ANKH: variants seen among roughly 807,000 people sequenced by gnomAD.
The protein encoded by ANKH is ANKH inorganic pyrophosphate transport regulator, also known as mineralization regulator ANKH.
Under a neutral mutation model 49.0 loss-of-function variants are expected in ANKH, and 15 were observed. The ratio of observed to expected loss-of-function variants is 0.31; its 90% CI spans 0.20 to 0.47. The LOEUF (loss-of-function observed/expected upper bound fraction) is 0.47, where lower values mean the gene tolerates loss of function less well. ANKH is among the 20% of genes least tolerant of loss of function. The probability of loss-of-function intolerance (pLI) is 1.00; values close to 1 mark genes in which losing one functional copy is unlikely to be tolerated. For synonymous variants in ANKH, 273 were observed against 260.0 expected, an observed-to-expected ratio of 1.05 and a Z score of -0.48; for missense variants, 429 against 652.0, an observed-to-expected ratio of 0.66 and a Z score of 3.72.
intron 1 of ANKH, among the ~76,000 whole-genome samples, chr5:14,862,807 A>G (rs572816738): frequency 2.0e-5 from 3 of 152,342 alleles, no homozygotes; most frequent in East Asian, 3.9e-4. Context: ...GAATACAGCC[A>G]TGCTTCCTTG....
At chr5:14,814,640 C>T (rs1417825899) in intron 1 of ANKH, among the ~76,000 whole-genome samples, 4 of 152,216 alleles carry the variant, frequency 2.6e-5, no homozygotes, top group East Asian at 1.9e-4. Context: ...TAAATGGACC[C>T]GGAGTGGATA....
At chr5:14,805,696 A>C (rs990680455) in intron 1 of ANKH, among the ~76,000 whole-genome samples, 2 of 151,772 alleles carry the variant, frequency 1.3e-5, no homozygotes, top group Admixed American at 1.3e-4. Context: ...TCCCTGTTAG[A>C]CAGTAGCTCA....
intron 1 of ANKH, among the ~76,000 whole-genome samples, chr5:14,802,438 C>T (rs1740592152): frequency 6.6e-6 from 1 of 152,100 alleles, no homozygotes; most frequent in African/African-American, 2.4e-5. Flanking sequence ...TGCTGAATCC[C>T]TATTACTACT....
In ANKH at chr5:14,846,016, C is replaced by T. The variant is rs551538504; in HGVS notation, c.96+25336G>A. On this transcript the variant is annotated intron_variant, in intron 1 of 11. Transcript: ENST00000284268. ...GATTACAGGCACCTGCCACCACGCCCGGCAAATTTTTTGTATTTTTAGTAG... is the reference window on the plus strand; with the variant it reads ...GATTACAGGCACCTGCCACCACGCCTGGCAAATTTTTTGTATTTTTAGTAG... Among the ~76,000 whole-genome samples, 6 of 151,860 alleles carry T rather than the reference C, an allele frequency of 4.0e-5. No homozygotes were observed. The South Asian group carries it at 8.4e-4, about 21-fold the overall frequency.
At chr5:14,777,109 C>A (rs1678139094) in intron 1 of ANKH, among the ~76,000 whole-genome samples, 1 of 151,072 alleles carries the variant, frequency 6.6e-6, no homozygotes, top group Non-Finnish European at 1.5e-5. Context: ...TGGCAAAACC[C>A]TGTCTCTACC....
At chr5:14,843,549 G>GAAAAA (rs60487783) in intron 1 of ANKH, among the ~76,000 whole-genome samples, 5,097 of 60,430 alleles carry the variant, frequency 0.084, 459 homozygotes, top group East Asian at 0.35. Flanking sequence ...GGGGATTAGC[G>GAAAAA]AAAAAAAAAA....
chr5:14,789,695 G>T (rs1193353966), intron 1 of ANKH, among the ~76,000 whole-genome samples: 1 of 152,062 alleles, frequency 6.6e-6, no homozygotes, highest in African/African-American at 2.4e-5. Flanking sequence ...GATAATTTTG[G>T]ACTTTGAGCA....
At chr5:14,733,714 C>G (rs1738076561) in intron 8 of ANKH, among the ~76,000 whole-genome samples, 1 of 152,216 alleles carries the variant, frequency 6.6e-6, no homozygotes, top group African/African-American at 2.4e-5. Flanking sequence ...CCTGCTGCAC[C>G]TAAGTGAATG....
intron 1 of ANKH, among the ~76,000 whole-genome samples, chr5:14,864,992 G>A (rs1254319376): frequency 1.3e-5 from 2 of 152,186 alleles, no homozygotes; most frequent in Non-Finnish European, 2.9e-5. Context: ...CAGGCGTGGT[G>A]GCTCACGCCT....
At chr5:14,740,297 A>T (rs568623013) in intron 8 of ANKH, among the ~76,000 whole-genome samples, 3 of 152,318 alleles carry the variant, frequency 2.0e-5, no homozygotes, top group African/African-American at 4.8e-5. Context: ...TTCCTGGAAA[A>T]GAAACCTGCT....
rs918599772 is a variant in ANKH, at chr5:14,709,185, T to G, written c.*2012A>C. ...TTGGGATTACAGGCATGAGCCACCATGCCCGGCCTGCTTTCTCAGTTTGGA... is the reference window on the plus strand; with the variant it reads ...TTGGGATTACAGGCATGAGCCACCAGGCCCGGCCTGCTTTCTCAGTTTGGA... On this transcript the variant is annotated 3_prime_UTR_variant, in exon 12 of 12. Coordinates refer to ENST00000284268, the MANE Select transcript of ANKH (RefSeq NM_054027.6). 4 of 152,248 alleles carry G rather than the reference T, an allele frequency of 2.6e-5. No homozygotes were observed. Among genetic ancestry groups the G allele is most frequent in the African/African-American group, 9.6e-5 (4 of 41,458 alleles). 9.4% of individuals were successfully genotyped at this position (152,248 alleles called of 1,614,324 possible).
chr5:14,750,205 T>C (rs1218342650), intron 5 of ANKH, among the ~76,000 whole-genome samples: 1 of 152,234 alleles, frequency 6.6e-6, no homozygotes, highest in Non-Finnish European at 1.5e-5. Context: ...AATTCAGGGC[T>C]ATAGATGCCT....
chr5:14,798,863 A>G (rs374683665), intron 1 of ANKH, among the ~76,000 whole-genome samples: 4 of 152,106 alleles, frequency 2.6e-5, no homozygotes, highest in African/African-American at 4.8e-5. Flanking sequence ...TAACCCTACA[A>G]TGGCCTCTAA....
intron 11 of ANKH, 94 bp from the exon 12 acceptor site, chr5:14,711,404 A>G: frequency 2.8e-6 from 3 of 1,082,764 alleles, no homozygotes; most frequent in East Asian, 2.4e-5. Context: ...GTCTTGGGGG[A>G]CCCCTCACTG....
intron 8 of ANKH, among the ~76,000 whole-genome samples, chr5:14,740,442 C>T (rs749951662): frequency 2.6e-5 from 4 of 151,850 alleles, no homozygotes; most frequent in African/African-American, 7.3e-5. Context: ...CCTGGGGAAC[C>T]GGCCCCGCTC....
chr5:14,773,142 A>G (rs1005842610), intron 1 of ANKH, among the ~76,000 whole-genome samples: 1 of 152,064 alleles, frequency 6.6e-6, no homozygotes, highest in Non-Finnish European at 1.5e-5. Flanking sequence ...CTAATCATCT[A>G]TTTCTCAGAC....
In ANKH at chr5:14,812,460, C is replaced by T. The variant is rs1193540055; in HGVS notation, c.97-43269G>A. On this transcript the variant is annotated intron_variant, in intron 1 of 11. Coordinates refer to ENST00000284268, the MANE Select transcript of ANKH (RefSeq NM_054027.6). ...ATGGGCATTACAGAACACTTCATCCCGTAACTACATATTTTCCAGTTTTAA... is the reference window on the plus strand; with the variant it reads ...ATGGGCATTACAGAACACTTCATCCTGTAACTACATATTTTCCAGTTTTAA... Among the ~76,000 whole-genome samples, 4 of 152,116 alleles carry T rather than the reference C, an allele frequency of 2.6e-5. No individual in the cohort carries two copies. The South Asian group carries it at 6.2e-4, about 24-fold the overall frequency.
At chr5:14,871,236 C>T in intron 1 of ANKH, 116 bp downstream of exon 1, 1 of 902,042 alleles carries the variant, frequency 1.1e-6, no homozygotes, top group Non-Finnish European at 1.8e-6. Flanking sequence ...GCACACCCGA[C>T]CAAATGTTTC....
At chr5:14,755,286 G>T (rs1738850384) in intron 4 of ANKH, among the ~76,000 whole-genome samples, 1 of 152,208 alleles carries the variant, frequency 6.6e-6, no homozygotes. Context: ...AGGGCTCAGA[G>T]AATTGGACCC....
Sources: gnomAD v4.1 joint callset for allele counts (sites outside exome capture counted in the v4.1 genomes callset) on GRCh38, gnomAD v4.1.1 for gene constraint, MANE v1.5 for transcripts, NCBI Gene and HGNC (gene_info 2026-07-23, HGNC 2026-07-21) for gene names.